Variants in SETD1B observed in about 807,000 individuals in gnomAD.
SETD1B encodes SET domain containing 1B, histone lysine methyltransferase, also known as histone-lysine N-methyltransferase SETD1B.
In SETD1B, 7 loss-of-function variants were observed where a neutral mutation model predicts 148.0. The observed-to-expected ratio is 0.05, with a 90% CI of 0.03 to 0.09. The LOEUF (loss-of-function observed/expected upper bound fraction) is 0.09, where lower values mean the gene tolerates loss of function less well. Ranked by LOEUF, SETD1B falls within the 10% of genes least tolerant of loss-of-function variation. The pLI, the probability that SETD1B is intolerant of heterozygous loss-of-function variation, is 1.00. For synonymous variants in SETD1B, 1,361 were observed against 1,186.5 expected, an observed-to-expected ratio of 1.15 and a Z score of -3.02; for missense variants, 2,155 against 2,729.9, an observed-to-expected ratio of 0.79 and a Z score of 4.69.
At chr12:121,795,239 C>A in the SETD1B span, 1 of 152,226 alleles carries the variant, frequency 6.6e-6, no homozygotes, top group Non-Finnish European at 1.5e-5. Flanking sequence ...TCAAGCACCC[C>A]CTAGACAAAT....
At chr12:121,797,023 C>CTA in the SETD1B span, among the ~76,000 whole-genome samples, 1 of 148,328 alleles carries the variant, frequency 6.7e-6, no homozygotes, top group Non-Finnish European at 1.5e-5. Flanking sequence ...GAGCGAAACT[C>CTA]TGTCTCAAAA....
intron 16 of SETD1B, among the ~76,000 whole-genome samples, 173 bp downstream of exon 16, chr12:121,828,243 C>G (rs1227836175): frequency 6.6e-6 from 1 of 152,246 alleles, no homozygotes; most frequent in African/African-American, 2.4e-5. Flanking sequence ...ACCAGGAGCT[C>G]TACTCCTCTG....
At position 121,822,427 on chromosome 12, in the gene SETD1B, T is replaced by C. The variant is rs959947435; in HGVS notation, c.3911-63T>C. On this transcript the variant is annotated intron_variant, in intron 11 of 16. Transcript: ENST00000604567. ...AGCCTGCCAGGTATGGAGCACAAAA[T>C]AAGGCACTGAGAGACGTTTGGATTG... The C allele has an allele frequency of 1.8e-5, 26 of 1,473,262 alleles. No individual in the cohort carries two copies. The African/African-American group carries it at 3.4e-4, about 19-fold the overall frequency. 91.3% of individuals were successfully genotyped at this position (1,473,262 alleles called of 1,614,324 possible).
chr12:121,805,177 C>A lies in SETD1B; in HGVS notation c.234C>A (p.Thr78=), dbSNP rs1250110229. The change falls in exon 3 of 17, where the codon ACC becomes ACA. Residue 78 remains threonine, a synonymous_variant. Coordinates refer to ENST00000604567, the MANE Select transcript of SETD1B (RefSeq NM_001353345.2). The surrounding 1 kb of genome is among the most constrained non-coding windows in gnomAD (Gnocchi z 4.2). ...VEDPRVVGIW[T]KNKELELSVP... ...ATCCCCGGGTCGTCGGGATCTGGAC[C>A]AAAAACAAGGAGCTGGAGCTGTCGG... 6.4e-7 allele frequency: 1 copy of A among 1,551,458 alleles called. No homozygotes were observed. The highest frequency in any genetic ancestry group is 1.2e-5 in the South Asian group (1 of 84,042).
At chr12:121,797,634 G>A in the SETD1B span, 1 of 456,152 alleles carries the variant, frequency 2.2e-6, no homozygotes, top group African/African-American at 2.0e-5. Flanking sequence ...GAGCCCTCCA[G>A]GGTGCAGCTG....
chr12:121,793,595 G>A, the SETD1B span: 67 of 1,551,164 alleles, frequency 4.3e-5, no homozygotes, highest in Non-Finnish European at 5.3e-5. Flanking sequence ...TGCCCGGACC[G>A]GGGGCGGCGG....
chr12:121,805,045 C>A lies in SETD1B; in HGVS notation c.175-73C>A. 2 of 1,492,740 alleles carry A rather than the reference C, an allele frequency of 1.3e-6. No individual in the cohort carries two copies. Among genetic ancestry groups the A allele is most frequent in the Non-Finnish European group, 1.8e-6 (2 of 1,100,722 alleles). 92.5% of individuals were successfully genotyped at this position (1,492,740 alleles called of 1,614,324 possible). A position where few individuals can be genotyped will look rare whatever the true frequency, so the allele number is the denominator to read the frequency against. On this transcript the variant is annotated intron_variant, in intron 2 of 16. Transcript: ENST00000604567. The surrounding 1 kb of genome is among the most constrained non-coding windows in gnomAD (Gnocchi z 4.2). ...CCCCAGCCCTGGAGTTTGACAAGTG[C>A]CTCGAGAAAGGGGTCTGCCCATGGG...
intron 4 of SETD1B, among the ~76,000 whole-genome samples, chr12:121,807,552 C>G (rs542509257): frequency 5.3e-5 from 8 of 152,172 alleles, no homozygotes; most frequent in Admixed American, 4.6e-4. Context: ...AAGTGTAGCT[C>G]CAGGAACGTG....
Position 121,817,596 on chromosome 12 carries a change from G to T in SETD1B, c.3204G>T (p.Glu1068Asp). Residue 1068 changes from glutamate (E) to aspartate (D), a missense_variant, in exon 9 of 17, where the codon GAG becomes GAT. Physicochemically the swap from Glu to Asp is conservative, Grantham distance 45. Coordinates refer to ENST00000604567, the MANE Select transcript of SETD1B (RefSeq NM_001353345.2). The surrounding 1 kb of genome is among the most constrained non-coding windows in gnomAD (Gnocchi z 8.1). ...CCTCGTCCTCGGCCTCCGACAAGGAGGAGGAACAGGAGAGCACCGAGGAGG... is the reference window on the plus strand; with the variant it reads ...CCTCGTCCTCGGCCTCCGACAAGGATGAGGAACAGGAGAGCACCGAGGAGG... ...TSPSSSASDK[E>D]EEQESTEEEE... 1 of 1,551,608 alleles carries T rather than the reference G, an allele frequency of 6.4e-7. No individual in the cohort carries two copies. The highest frequency in any genetic ancestry group is 1.7e-4 in the Middle Eastern group (1 of 5,996).
At position 121,807,252 on chromosome 12, in the gene SETD1B, T is replaced by G. The variant is rs546936784; in HGVS notation, c.545-956T>G. 2.6e-5 allele frequency among the ~76,000 whole-genome samples: 4 copies of G among 152,124 alleles called. No homozygotes were observed. The South Asian group carries it at 8.3e-4, about 32-fold the overall frequency. ...CTCCTCTCAGGGCACAGCCCTCTTTTTCTGTCCAGTCCACAGTCCCTCCCA... is the reference window on the plus strand; with the variant it reads ...CTCCTCTCAGGGCACAGCCCTCTTTGTCTGTCCAGTCCACAGTCCCTCCCA... On this transcript the variant is annotated intron_variant, in intron 4 of 16. Coordinates refer to ENST00000604567, the MANE Select transcript of SETD1B (RefSeq NM_001353345.2).
rs1875627378 is a variant in SETD1B at position 121,804,680 on chromosome 12, C to CGCA, written c.-14-42_-14-41insAGC. The CGCA allele has an allele frequency of 6.6e-7, 1 of 1,518,972 alleles. No homozygotes were observed. Among genetic ancestry groups the CGCA allele is most frequent in the Non-Finnish European group, 8.9e-7 (1 of 1,127,938 alleles). 94.1% of individuals were successfully genotyped at this position (1,518,972 alleles called of 1,614,324 possible). A position where few individuals can be genotyped will look rare whatever the true frequency, so the allele number is the denominator to read the frequency against. Reference sequence around the variant, plus strand: ...TTCGCGTGTGTGTAGAAGCGGCCGCCGCCGCCGCCGCGGCGGAGACGACAA... The same window carrying CGCA: ...TTCGCGTGTGTGTAGAAGCGGCCGCCGCAGCCGCCGCCGCGGCGGAGACGACAA... On this transcript the variant is annotated intron_variant, in intron 1 of 16. Transcript: ENST00000604567. The surrounding 1 kb of genome is among the most constrained non-coding windows in gnomAD (Gnocchi z 4.6).
At chr12:121,820,200 G>A (rs947733117) in intron 11 of SETD1B, among the ~76,000 whole-genome samples, 1 of 152,246 alleles carries the variant, frequency 6.6e-6, no homozygotes, top group Non-Finnish European at 1.5e-5. Context: ...CCAAAAGGAG[G>A]ATGGGTGTCC....
chr12:121,802,733 C>A (rs1257891980), upstream of SETD1B: 2 of 152,166 alleles, frequency 1.3e-5, no homozygotes, highest in African/African-American at 4.8e-5. Flanking sequence ...AAGGAAAAAT[C>A]CAGATCTTTT....
chr12:121,816,929 G>A, intron 7 of SETD1B, 104 bp from the exon 8 acceptor site: 1 of 1,007,408 alleles, frequency 9.9e-7, no homozygotes, highest in Non-Finnish European at 1.4e-6. Flanking sequence ...AGTTACCTGT[G>A]GTGGCTGTTA....
In SETD1B at chr12:121,830,776, G is replaced by C; in HGVS notation, c.*537G>C. 6.5e-6 allele frequency: 1 copy of C among 152,916 alleles called. No individual in the cohort carries two copies. The highest frequency in any genetic ancestry group is 1.5e-5 in the Non-Finnish European group (1 of 68,642). The allele number at this position is 152,916 out of a possible 1,614,324, so 9.5% of individuals were successfully genotyped here. ...ACCTGGACGCAGGGCCAGGTGCTGT[G>C]GGAAGGATGGAGGCCCCCACGGCCT... is the stretch of plus-strand genomic sequence containing the variant. On this transcript the variant is annotated 3_prime_UTR_variant, in exon 17 of 17. Coordinates refer to ENST00000604567, the MANE Select transcript of SETD1B (RefSeq NM_001353345.2). This position sits in a 1 kb window ranked among gnomAD's most constrained non-coding sequence, Gnocchi z 5.7.
chr12:121,810,297 C>T lies in SETD1B; in HGVS notation c.1352C>T (p.Pro451Leu). 1 of 1,543,102 alleles carries T rather than the reference C, an allele frequency of 6.5e-7. No individual in the cohort carries two copies. The highest frequency in any genetic ancestry group is 1.2e-5 in the South Asian group (1 of 83,970). The change falls in exon 6 of 17, where the codon CCA (proline) becomes CTA (leucine). Residue 451 changes from proline (P) to leucine (L), a missense_variant. Physicochemically the swap from Pro to Leu is moderately conservative, Grantham distance 98. Around this residue, in one of 11 missense-constraint regions of SETD1B, gnomAD observed 376 missense variants for 385.0 expected, o/e 0.98. Transcript: ENST00000604567. The surrounding 1 kb of genome is among the most constrained non-coding windows in gnomAD (Gnocchi z 7.6). The stretch of plus-strand genomic sequence containing the variant: ...CTGGCCAAGGAGAAGCCAGGCACGC[C>T]ACCCGGCCCGCCGCCCCCCGACACC... ...EPLAKEKPGT[P>L]PGPPPPDTNS...
chr12:121,822,574 G>C lies in SETD1B; in HGVS notation c.3995G>C (p.Arg1332Pro), dbSNP rs780071933. 4 of 1,547,410 alleles carry C rather than the reference G, an allele frequency of 2.6e-6. No homozygotes were observed. Among genetic ancestry groups the C allele is most frequent in the Admixed American group, 2.0e-5 (1 of 50,276 alleles). Residue 1332 changes from arginine to proline, a missense_variant, in exon 12 of 17, where the codon CGG becomes CCG. Around this residue, in one of 11 missense-constraint regions of SETD1B, gnomAD observed 862 missense variants for 873.8 expected, o/e 0.99. Coordinates refer to ENST00000604567, the MANE Select transcript of SETD1B (RefSeq NM_001353345.2). ...CCATTGCCGCCCCCACGACCACCCC[G>C]GCCACCCAGCCCACCGCCGGAGCCT... is the stretch of plus-strand genomic sequence containing the variant. The part of the protein sequence containing the change: ...QPPLPPPRPP[R>P]PPSPPPEPET...
At chr12:121,791,662 C>T in the SETD1B span, among the ~76,000 whole-genome samples, 1 of 152,186 alleles carries the variant, frequency 6.6e-6, no homozygotes, top group Non-Finnish European at 1.5e-5. Flanking sequence ...CTGACATGTT[C>T]CTTGAGCATC....
chr12:121,819,379 C>G (rs1483715402), intron 10 of SETD1B, 25 bp from the exon 11 acceptor site: 7 of 1,551,024 alleles, frequency 4.5e-6, no homozygotes, highest in Non-Finnish European at 6.1e-6. Flanking sequence ...CCTCAGGCAG[C>G]CCCTCGTCTG....
Sources: allele counts gnomAD v4.1 joint callset (sites outside exome capture counted in the v4.1 genomes callset), GRCh38; gene constraint gnomAD v4.1.1; regional missense constraint gnomAD v4.1.1; non-coding constraint Gnocchi (gnomAD v3.1); transcripts MANE v1.5; gene names NCBI Gene and HGNC (gene_info 2026-07-23, HGNC 2026-07-21).